The following NBPF20 variants were observed in gnomAD, a reference collection of about 807,000 sequenced individuals.
NBPF20 encodes the protein NBPF family member NBPF20.
A neutral mutation model predicts 68.1 loss-of-function variants in NBPF20; 90 were observed. That is an observed-to-expected ratio of 1.32 (90% CI 1.11 to 1.58). NBPF20 has a LOEUF of 1.58. Among genes scored for constraint, NBPF20 ranks in the 40% most tolerant of loss-of-function variants. The pLI is 0.00. For missense variants in NBPF20, 816 were observed against 601.2 expected (o/e 1.36, Z -3.74); for synonymous variants, 290 against 228.1 (o/e 1.27, Z -2.45).
intron 2 of NBPF20, among the ~76,000 whole-genome samples, chr1:145,403,549 C>G (rs1321064897): frequency 1.3e-5 from 2 of 152,272 alleles, no homozygotes; most frequent in Non-Finnish European, 2.9e-5. Flanking sequence ...AGGAAGTTGA[C>G]AAGATGATTC....
exon 1 of NBPF20, chr1:145,405,546 C>A (rs1355115513): frequency 1.3e-5 from 15 of 1,136,728 alleles, no homozygotes; most frequent in Non-Finnish European, 3.7e-6. Context: ...AGATTGTGGC[C>A]AGCGTGCCAG....
At chr1:145,400,590 T>A (rs1662476247) in exon 6 of NBPF20, 1 of 1,611,672 alleles carries the variant, frequency 6.2e-7, no homozygotes, top group South Asian at 1.1e-5. Context: ...GCCTTCTGCA[T>A]CTCCCTGATG....
In NBPF20 at chr1:145,401,019, T is replaced by G; in HGVS notation, c.566+40A>C. The stretch of plus-strand genomic sequence containing the variant: ...GTGTGCCTCCTAGATATTCCTCATA[T>G]GTTACCATCCATTAATTGTTCCTGA... On this transcript the variant is annotated intron_variant, in intron 5 of 137. Coordinates refer to ENST00000369373, the Ensembl canonical transcript of NBPF20. The G allele has an allele frequency of 2.0e-6, 3 of 1,528,780 alleles. No homozygotes were observed. The South Asian group carries it at 3.4e-5, about 17-fold the overall frequency. 94.7% of individuals were successfully genotyped at this position (1,528,780 alleles called of 1,614,324 possible). A position where few individuals can be genotyped will look rare whatever the true frequency, so the allele number is the denominator to read the frequency against.
chr1:145,411,387 C>CTTT, the NBPF20 span, among the ~76,000 whole-genome samples: 59 of 106,150 alleles, frequency 5.6e-4, no homozygotes, highest in African/African-American at 1.0e-3. Context: ...GTTGACTTTC[C>CTTT]TTTTTTTTTT....
In NBPF20 at chr1:145,400,679, C is replaced by T. The variant is rs1553665097; in HGVS notation, c.567-85G>A. 6.0e-5 allele frequency: 91 copies of T among 1,526,152 alleles called. 1 individual carries two copies. Among genetic ancestry groups the T allele is most frequent in the East Asian group, 5.9e-4 (26 of 44,416 alleles). 94.5% of individuals were successfully genotyped at this position (1,526,152 alleles called of 1,614,324 possible). On this transcript the variant is annotated intron_variant, in intron 5 of 137. Transcript: ENST00000369373. ...GGGAGTCCTAGCTGGTTTTGACAGG[C>T]GGCATTAAGAGAGTGGTCCCAGAAA...
At chr1:145,417,621 C>CAAAAA in the NBPF20 span, among the ~76,000 whole-genome samples, 4 of 53,162 alleles carry the variant, frequency 7.5e-5, no homozygotes, top group African/African-American at 1.6e-4. Flanking sequence ...CAACACAAAG[C>CAAAAA]AAAAAAAAAA....
At position 145,400,430 on chromosome 1, in the gene NBPF20, G is replaced by C. The variant is rs1271789248; in HGVS notation, c.731C>G (p.Ser244Cys). The change falls in exon 6 of 138, where the codon TCC becomes TGC. Residue 244 changes from serine to cysteine, a missense_variant. Transcript: ENST00000369373. ...AGCATCCTCCCATTCAACATGAGAGGATGAGCCAATCAGAGTTGAGTCGAC... is the reference window on the plus strand; with the variant it reads ...AGCATCCTCCCATTCAACATGAGAGCATGAGCCAATCAGAGTTGAGTCGAC... 56 of 1,613,116 alleles carry C rather than the reference G, an allele frequency of 3.5e-5. 1 individual carries two copies. In the Admixed American group the frequency reaches 9.0e-4, roughly 26 times the overall value.
chr1:145,402,758 G>A (rs1335138700), intron 3 of NBPF20, among the ~76,000 whole-genome samples: 1 of 149,364 alleles, frequency 6.7e-6, no homozygotes, highest in Non-Finnish European at 1.5e-5. Flanking sequence ...GTACAGAAAT[G>A]AGGCCAGGTG....
intron 2 of NBPF20, 138 bp downstream of exon 7, chr1:145,404,960 C>T: frequency 8.7e-7 from 1 of 1,150,030 alleles, no homozygotes; most frequent in Non-Finnish European, 1.3e-6. Flanking sequence ...TTCCAACTAA[C>T]AAAATGTTAA....
At chr1:145,292,212 G>T (rs1418862923) in intron 137 of NBPF20, among the ~76,000 whole-genome samples, 169 bp downstream of exon 142, 1 of 149,544 alleles carries the variant, frequency 6.7e-6, no homozygotes, top group South Asian at 2.1e-4. Context: ...GATAAGGGGA[G>T]GAAGAAATGG....
intron 137 of NBPF20, 58 bp from the exon 143 acceptor site, chr1:145,291,827 C>G: frequency 6.2e-7 from 1 of 1,611,228 alleles, no homozygotes. Context: ...CCACAGAGCC[C>G]CACTAGATTT....
chr1:145,290,139 CA>C (rs1553656932), exon 138 of NBPF20: 1 of 148,074 alleles, frequency 6.8e-6, no homozygotes, highest in Non-Finnish European at 1.5e-5. Flanking sequence ...AATTGAGACC[CA>C]AAATTTGCAG....
At position 145,292,364 on chromosome 1, in the gene NBPF20, C is replaced by G. The variant is rs782304417; in HGVS notation, c.16697+17G>C. On this transcript the variant is annotated intron_variant, in intron 137 of 137. Transcript: ENST00000369373. ...GTGTTAACACAGAATTAAGCATCCA[C>G]AATTGCTGAAAGTCACCTGGGGCAT... is the stretch of plus-strand genomic sequence containing the variant. 3.0e-6 allele frequency: 2 copies of G among 668,384 alleles called. No individual in the cohort carries two copies. The highest frequency in any genetic ancestry group is 5.3e-6 in the Non-Finnish European group (2 of 378,792). The allele number at this position is 668,384 out of a possible 1,614,324, so 41.4% of individuals were successfully genotyped here. A position where few individuals can be genotyped will look rare whatever the true frequency, so the allele number is the denominator to read the frequency against.
At chr1:145,291,903 A>C (rs1263499275) in intron 137 of NBPF20, 134 bp from the exon 143 acceptor site, 2 of 1,559,074 alleles carry the variant, frequency 1.3e-6, no homozygotes, top group African/African-American at 1.4e-5. Flanking sequence ...GTAAAAAAAA[A>C]ATTTATTGCC....
intron 5 of NBPF20, 86 bp downstream of exon 10, chr1:145,400,973 C>T (rs1283998049): frequency 3.9e-5 from 60 of 1,531,906 alleles, no homozygotes; most frequent in Admixed American, 3.0e-4. Flanking sequence ...GGTTTTTGGC[C>T]GATCATAGAT....
upstream of NBPF20, among the ~76,000 whole-genome samples, chr1:145,409,189 A>G: frequency 6.6e-6 from 1 of 151,726 alleles, no homozygotes; most frequent in Non-Finnish European, 1.5e-5. Context: ...TCTTTCATGC[A>G]TCAATGTAAT....
Position 145,402,350 on chromosome 1 carries a change from G to C in NBPF20, c.310C>G (p.Arg104Gly). Residue 104 changes from arginine to glycine, a missense_variant, in exon 4 of 138, where the codon CGA (arginine) becomes GGA (glycine). Arg to Gly is a moderately radical substitution (Grantham distance 125). Transcript: ENST00000369373. ...TTCTCCCTTAACTGGGTCAGCTCTC[G>C]TTCCTGAGCGTGAACCAGGACTTTA... 3.1e-6 allele frequency: 5 copies of C among 1,600,284 alleles called. No homozygotes were observed. The Admixed American group carries it at 5.0e-5, about 16-fold the overall frequency.
rs1191805168 is a variant in NBPF20 at position 145,295,272 on chromosome 1, C to G, written c.16190+295G>C. On this transcript the variant is annotated intron_variant, in intron 133 of 137. Coordinates refer to ENST00000369373, the Ensembl canonical transcript of NBPF20. Reference sequence around the variant, plus strand: ...GAGTTAGTGCCCTCGGGACACACAGCGAACAGTGATCATGAAAAGAGTGGG... The same window carrying G: ...GAGTTAGTGCCCTCGGGACACACAGGGAACAGTGATCATGAAAAGAGTGGG... 1.4e-5 allele frequency: 6 copies of G among 437,688 alleles called. No individual in the cohort carries two copies. In the African/African-American group the frequency reaches 2.0e-4, roughly 15 times the overall value. The allele number at this position is 437,688 out of a possible 1,614,324, so 27.1% of individuals were successfully genotyped here. A position where few individuals can be genotyped will look rare whatever the true frequency, so the allele number is the denominator to read the frequency against.
chr1:145,394,695 T>A (rs1476365784), intron 8 of NBPF20, among the ~76,000 whole-genome samples: 4 of 151,926 alleles, frequency 2.6e-5, no homozygotes, highest in African/African-American at 9.7e-5. Context: ...TGCTGCATAG[T>A]TTGGTGTGAG....
Sources: allele counts gnomAD v4.1 joint callset (sites outside exome capture counted in the v4.1 genomes callset), GRCh38; gene constraint gnomAD v4.1.1; transcripts MANE v1.5; gene names NCBI Gene and HGNC (gene_info 2026-07-23, HGNC 2026-07-21).